Variants in FSIP1 observed in about 807,000 individuals in gnomAD.
FSIP1 encodes the protein fibrous sheath interacting protein 1, also known as fibrous sheath-interacting protein 1.
FSIP1 carries 65 observed loss-of-function variants against 60.9 expected under a neutral mutation model. The observed-to-expected ratio is 1.07, with a 90% confidence interval of 0.87 to 1.31. The LOEUF is 1.31. Among genes scored for constraint, FSIP1 ranks in the 40% most tolerant of loss-of-function variants. FSIP1 has a pLI of 0.00. For synonymous variants in FSIP1, 209 were observed against 221.2 expected, an observed-to-expected ratio of 0.94 and a Z score of 0.49; for missense variants, 675 against 665.5, an observed-to-expected ratio of 1.01 and a Z score of -0.16.
chr15:39,735,308 T>G (rs1409580190), intron 8 of FSIP1, among the ~76,000 whole-genome samples: 3 of 152,254 alleles, frequency 2.0e-5, no homozygotes, highest in Non-Finnish European at 4.4e-5. Flanking sequence ...CAGGCCACAT[T>G]GTAAAGCCTA....
intron 10 of FSIP1, among the ~76,000 whole-genome samples, chr15:39,659,576 A>C (rs1389797009): frequency 6.6e-6 from 1 of 151,152 alleles, no homozygotes; most frequent in Non-Finnish European, 1.5e-5. Flanking sequence ...CACACTTTTT[A>C]AAAAGTGAAC....
chr15:39,651,866 A>G (rs1390010707), intron 10 of FSIP1, among the ~76,000 whole-genome samples: 6 of 152,186 alleles, frequency 3.9e-5, no homozygotes, highest in Non-Finnish European at 8.8e-5. Context: ...CCTCCTTTCA[A>G]CCACTACGTA....
chr15:39,760,951 G>A (rs1161447715), intron 5 of FSIP1, among the ~76,000 whole-genome samples: 2 of 151,990 alleles, frequency 1.3e-5, no homozygotes, highest in Non-Finnish European at 2.9e-5. Flanking sequence ...AAAACTTAAT[G>A]GCATACAACA....
rs570458885 is a variant in FSIP1 at position 39,730,947 on chromosome 15, A to G, written c.892-4200T>C. Among the ~76,000 whole-genome samples, 24 of 152,166 alleles carry G rather than the reference A, an allele frequency of 1.6e-4. 1 individual carries two copies. The highest frequency in any genetic ancestry group is 7.2e-4 in the Admixed American group (11 of 15,282). On this transcript the variant is annotated intron_variant, in intron 8 of 11. Transcript: ENST00000350221. ...ACAAACCTGGTTCCCCAAACTTCCC[A>G]CTGAGTCTATGGACTACTCAAGACT...
At chr15:39,761,386 A>G (rs996803855) in intron 5 of FSIP1, among the ~76,000 whole-genome samples, 3 of 152,240 alleles carry the variant, frequency 2.0e-5, no homozygotes, top group Non-Finnish European at 4.4e-5. Context: ...AGTACTTTTC[A>G]GTCTTTAAAA....
chr15:39,658,018 A>C (rs773663263), intron 10 of FSIP1, among the ~76,000 whole-genome samples: 1 of 152,192 alleles, frequency 6.6e-6, no homozygotes, highest in Non-Finnish European at 1.5e-5. Flanking sequence ...CTTAATTTGC[A>C]ACTTAACAAG....
chr15:39,609,725 C>A (rs1890957394), intron 11 of FSIP1, among the ~76,000 whole-genome samples: 1 of 152,228 alleles, frequency 6.6e-6, no homozygotes, highest in Non-Finnish European at 1.5e-5. Flanking sequence ...AACAGCAGTA[C>A]TTCCCAGCCA....
At chr15:39,716,191 A>G (rs1489242166) in intron 9 of FSIP1, among the ~76,000 whole-genome samples, 2 of 151,998 alleles carry the variant, frequency 1.3e-5, no homozygotes, top group African/African-American at 4.8e-5. Flanking sequence ...TCAGCATTTT[A>G]TAAACTTTCA....
At chr15:39,612,341 A>G (rs1424334240) in intron 11 of FSIP1, among the ~76,000 whole-genome samples, 1 of 152,230 alleles carries the variant, frequency 6.6e-6, no homozygotes, top group African/African-American at 2.4e-5. Context: ...ATCTATAACA[A>G]GAAATCTTGG....
intron 10 of FSIP1, among the ~76,000 whole-genome samples, chr15:39,643,617 CA>C (rs1297057438): frequency 6.6e-6 from 1 of 152,200 alleles, no homozygotes; most frequent in Non-Finnish European, 1.5e-5. Flanking sequence ...TTGTGAGTCT[CA>C]AATTGCCTGA....
chr15:39,738,930 A>C (rs1044524987), intron 7 of FSIP1, among the ~76,000 whole-genome samples: 1 of 152,164 alleles, frequency 6.6e-6, no homozygotes, highest in African/African-American at 2.4e-5. Flanking sequence ...AAGGGTAAAA[A>C]ATTACTTAAC....
intron 5 of FSIP1, among the ~76,000 whole-genome samples, chr15:39,763,105 T>A (rs1394249924): frequency 6.6e-6 from 1 of 152,232 alleles, no homozygotes; most frequent in Non-Finnish European, 1.5e-5. Flanking sequence ...GATAGTAATT[T>A]TTTTTGTTTA....
chr15:39,686,641 T>C (rs1894383093), intron 10 of FSIP1, among the ~76,000 whole-genome samples: 1 of 152,272 alleles, frequency 6.6e-6, no homozygotes, highest in African/African-American at 2.4e-5. Context: ...TCCCAGCCTA[T>C]GACGGCAAGT....
chr15:39,711,517 C>A (rs900565022), intron 10 of FSIP1, among the ~76,000 whole-genome samples: 9 of 151,978 alleles, frequency 5.9e-5, no homozygotes, highest in African/African-American at 2.2e-4. Flanking sequence ...GCTTAGCCCG[C>A]CTTGGATTGG....
At chr15:39,685,268 G>A (rs1432252211) in intron 10 of FSIP1, among the ~76,000 whole-genome samples, 1 of 152,056 alleles carries the variant, frequency 6.6e-6, no homozygotes, top group East Asian at 1.9e-4. Flanking sequence ...AAAAAAAATT[G>A]TTCATGTGTG....
At chr15:39,614,366 G>T (rs1711549756) in intron 11 of FSIP1, among the ~76,000 whole-genome samples, 1 of 152,046 alleles carries the variant, frequency 6.6e-6, no homozygotes, top group Admixed American at 6.5e-5. Flanking sequence ...GGAGGTGAAA[G>T]AACTATATAT....
At chr15:39,728,198 A>G (rs954522926) in intron 8 of FSIP1, among the ~76,000 whole-genome samples, 6 of 152,242 alleles carry the variant, frequency 3.9e-5, no homozygotes, top group African/African-American at 1.4e-4. Context: ...TATTGCTAAA[A>G]TGGCCATACT....
intron 2 of FSIP1, 49 bp from the exon 3 acceptor site, chr15:39,770,659 T>C: frequency 1.7e-6 from 2 of 1,191,216 alleles, no homozygotes; most frequent in South Asian, 4.0e-5. Context: ...ACTGTCTTTT[T>C]TTAAACTTTA....
chr15:39,763,734 G>T lies in FSIP1; in HGVS notation c.559+87C>A, dbSNP rs866042359. ...AGTCAAACTCACAAAGAACAGGACA[G>T]AAAAACTGGATTGGGAATTTTACTT... On this transcript the variant is annotated intron_variant, in intron 5 of 11. Coordinates refer to ENST00000350221, the MANE Select transcript of FSIP1 (RefSeq NM_152597.5). The T allele has an allele frequency of 5.4e-6, 4 of 743,770 alleles. No homozygotes were observed. In the Middle Eastern group the frequency reaches 8.0e-4, roughly 149 times the overall value. 46.1% of individuals were successfully genotyped at this position (743,770 alleles called of 1,614,324 possible).
Sources: allele counts gnomAD v4.1 joint callset (sites outside exome capture counted in the v4.1 genomes callset), GRCh38; gene constraint gnomAD v4.1.1; transcripts MANE v1.5; gene names NCBI Gene and HGNC (gene_info 2026-07-23, HGNC 2026-07-21).